AUTS2: variants seen among roughly 807,000 people sequenced by gnomAD.
The protein encoded by AUTS2 is activator of transcription and developmental regulator AUTS2.
A neutral mutation model predicts 112.4 loss-of-function variants in AUTS2; 17 were observed. That is an observed-to-expected ratio of 0.15 (90% CI 0.10 to 0.23). AUTS2 has a LOEUF of 0.23. Among genes scored for constraint, AUTS2 ranks in the 10% least tolerant of loss-of-function variants. The pLI, the probability that AUTS2 is intolerant of heterozygous loss-of-function variation, is 1.00. For missense variants in AUTS2, 1,510 were observed against 1,701.6 expected, an observed-to-expected ratio of 0.89 and a Z score of 1.98; for synonymous variants, 751 against 702.7, an observed-to-expected ratio of 1.07 and a Z score of -1.09.
chr7:70,645,684 A>G (rs1008751181), intron 5 of AUTS2, among the ~76,000 whole-genome samples: 2 of 152,140 alleles, frequency 1.3e-5, no homozygotes, highest in African/African-American at 4.8e-5. Flanking sequence ...TCTGGAAATT[A>G]TGGTAACTTG....
chr7:70,372,420 C>G (rs1203919034), intron 4 of AUTS2, among the ~76,000 whole-genome samples: 1 of 152,134 alleles, frequency 6.6e-6, no homozygotes, highest in Non-Finnish European at 1.5e-5. Flanking sequence ...CTCTTCCTCT[C>G]AAAAACAAAC....
At chr7:70,465,066 G>A (rs1264387465) in intron 5 of AUTS2, among the ~76,000 whole-genome samples, 2 of 152,032 alleles carry the variant, frequency 1.3e-5, no homozygotes, top group East Asian at 1.9e-4. Context: ...TACACCAGCC[G>A]GCCTACTTCT....
chr7:70,188,891 CT>C (rs1453100512), intron 4 of AUTS2, among the ~76,000 whole-genome samples: 1 of 151,200 alleles, frequency 6.6e-6, no homozygotes, highest in African/African-American at 2.4e-5. Flanking sequence ...CCGGCTGCAT[CT>C]TTTTTTCTTT....
intron 6 of AUTS2, among the ~76,000 whole-genome samples, chr7:70,760,790 A>G (rs2129556655): frequency 6.6e-6 from 1 of 152,340 alleles, no homozygotes; most frequent in South Asian, 2.1e-4. Flanking sequence ...CTAAGCAAAA[A>G]TCTTCCCAGA....
At chr7:69,636,761 G>A (rs1271232333) in intron 1 of AUTS2, among the ~76,000 whole-genome samples, 2 of 150,970 alleles carry the variant, frequency 1.3e-5, no homozygotes, top group Non-Finnish European at 3.0e-5. Context: ...TTTATAAAAT[G>A]TTGTCCTACA....
chr7:69,957,736 A>AG (rs750229225), intron 2 of AUTS2, among the ~76,000 whole-genome samples: 13 of 152,152 alleles, frequency 8.5e-5, no homozygotes, highest in Non-Finnish European at 1.8e-4. Flanking sequence ...GGAGTGAAAC[A>AG]GGGAGGGTGT....
At chr7:69,750,504 A>G (rs995477370) in intron 1 of AUTS2, among the ~76,000 whole-genome samples, 4 of 150,688 alleles carry the variant, frequency 2.7e-5, no homozygotes, top group African/African-American at 4.9e-5. Flanking sequence ...TAGTAGTAGC[A>G]GTAGTAGTAG....
intron 6 of AUTS2, among the ~76,000 whole-genome samples, chr7:70,706,049 G>A (rs1343387420): frequency 6.6e-6 from 1 of 152,110 alleles, no homozygotes; most frequent in Non-Finnish European, 1.5e-5. Context: ...TATACACCAC[G>A]ACCCCAGTAC....
intron 2 of AUTS2, among the ~76,000 whole-genome samples, chr7:69,920,860 A>G (rs1411099788): frequency 2.0e-5 from 3 of 152,156 alleles, no homozygotes; most frequent in Non-Finnish European, 4.4e-5. Context: ...GATGGTCCCT[A>G]TTTTCCAGGG....
chr7:70,451,639 C>T (rs968900562), intron 5 of AUTS2, among the ~76,000 whole-genome samples: 3 of 151,906 alleles, frequency 2.0e-5, no homozygotes, highest in African/African-American at 7.3e-5. Context: ...TAAGAAACAC[C>T]CTGGATGAAA....
In AUTS2 at chr7:70,208,674, G is replaced by A. The variant is rs138618932; in HGVS notation, c.660+74103G>A. Among the ~76,000 whole-genome samples, 200 of 152,170 alleles carry A rather than the reference G, an allele frequency of 1.3e-3. 1 individual carries two copies. The East Asian group carries it at 0.016, about 12-fold the overall frequency. Reference sequence around the variant, plus strand: ...AAGGAAATGATTAATTCAGATACTTGTGAGGCTATGGAGAAGATAACCTAG... The same window carrying A: ...AAGGAAATGATTAATTCAGATACTTATGAGGCTATGGAGAAGATAACCTAG... On this transcript the variant is annotated intron_variant, in intron 4 of 18. Transcript: ENST00000342771.
At chr7:70,742,129 T>C (rs1788150560) in intron 6 of AUTS2, among the ~76,000 whole-genome samples, 1 of 152,234 alleles carries the variant, frequency 6.6e-6, no homozygotes, top group Non-Finnish European at 1.5e-5. Context: ...TTTTTTGTTC[T>C]TATAGTAATT....
chr7:69,651,071 A>G (rs1239225754), intron 1 of AUTS2, among the ~76,000 whole-genome samples: 1 of 152,240 alleles, frequency 6.6e-6, no homozygotes. Flanking sequence ...TAATTAGGTT[A>G]TAGGCCATTG....
intron 15 of AUTS2, chr7:70,783,536 C>CTT (rs1327962121): frequency 3.3e-5 from 5 of 152,318 alleles, no homozygotes; most frequent in South Asian, 2.1e-4. Flanking sequence ...TTTATAGGAA[C>CTT]TTAGACAAAA....
chr7:70,409,598 G>A (rs1794690024), intron 4 of AUTS2, among the ~76,000 whole-genome samples: 1 of 152,148 alleles, frequency 6.6e-6, no homozygotes, highest in South Asian at 2.1e-4. Flanking sequence ...TACATGAGGA[G>A]GCGTGTCATC....
At chr7:70,692,199 G>A (rs573891167) in intron 5 of AUTS2, among the ~76,000 whole-genome samples, 3 of 152,312 alleles carry the variant, frequency 2.0e-5, no homozygotes, top group Admixed American at 6.5e-5. Context: ...CATGATAAAT[G>A]TCAGAAGTGC....
At chr7:70,066,539 A>AT (rs71068013) in intron 2 of AUTS2, among the ~76,000 whole-genome samples, 3,660 of 137,834 alleles carry the variant, frequency 0.027, 78 homozygotes, top group East Asian at 0.06. Flanking sequence ...TACCCAGTAA[A>AT]TTTTTTTTTT....
intron 1 of AUTS2, among the ~76,000 whole-genome samples, chr7:69,719,700 TA>T (rs1392479493): frequency 6.6e-6 from 1 of 152,210 alleles, no homozygotes; most frequent in African/African-American, 2.4e-5. Flanking sequence ...TGCTTTTAGT[TA>T]AATGTTTTGC....
chr7:70,372,712 G>A (rs1422838669), intron 4 of AUTS2, among the ~76,000 whole-genome samples: 1 of 150,038 alleles, frequency 6.7e-6, no homozygotes, highest in Non-Finnish European at 1.5e-5. Flanking sequence ...GAAAGAAAAC[G>A]AGAGGTATAT....
Sources: allele counts gnomAD v4.1 joint callset (sites outside exome capture counted in the v4.1 genomes callset), GRCh38; gene constraint gnomAD v4.1.1; transcripts MANE v1.5; gene names NCBI Gene and HGNC (gene_info 2026-07-23, HGNC 2026-07-21).